Variants in SLC15A1 observed in about 807,000 individuals in gnomAD.
The protein encoded by SLC15A1 is Caco-2 oligopeptide transporter.
A neutral mutation model predicts 92.9 loss-of-function variants in SLC15A1; 83 were observed. The observed-to-expected ratio is 0.89, with a 90% CI of 0.75 to 1.07. The LOEUF (loss-of-function observed/expected upper bound fraction) is 1.07, where lower values mean the gene tolerates loss of function less well. Among genes scored for constraint, SLC15A1 ranks in the 50% least tolerant of loss-of-function variants. SLC15A1 has a pLI of 0.00. For synonymous variants in SLC15A1, 322 were observed against 318.2 expected (o/e 1.01, Z -0.13); for missense variants, 857 against 880.1 (o/e 0.97, Z 0.33).
intron 5 of SLC15A1, 69 bp downstream of exon 5, chr13:98,723,843 C>T (rs1328637377): frequency 1.4e-5 from 22 of 1,598,196 alleles, no homozygotes; most frequent in Admixed American, 6.8e-5. Flanking sequence ...AGGAAAAAGA[C>T]GAAGACTTAA....
At chr13:98,746,796 C>G (rs1055189825) in intron 1 of SLC15A1, among the ~76,000 whole-genome samples, 55 of 152,214 alleles carry the variant, frequency 3.6e-4, no homozygotes, top group African/African-American at 1.3e-3. Context: ...TAAACCCTCT[C>G]TCCAATGAGA....
At chr13:98,719,662 T>C (rs1473756322) in intron 7 of SLC15A1, among the ~76,000 whole-genome samples, 1 of 152,178 alleles carries the variant, frequency 6.6e-6, no homozygotes, top group African/African-American at 2.4e-5. Flanking sequence ...AAATCAAAAG[T>C]ACACTGGAAA....
At chr13:98,730,485 T>C (rs1362989584) in intron 1 of SLC15A1, among the ~76,000 whole-genome samples, 1 of 152,148 alleles carries the variant, frequency 6.6e-6, no homozygotes, top group Non-Finnish European at 1.5e-5. Flanking sequence ...TCCAGGGCAA[T>C]ACACCAAGAG....
At chr13:98,690,464 G>C (rs2087965732) in intron 18 of SLC15A1, among the ~76,000 whole-genome samples, 1 of 152,138 alleles carries the variant, frequency 6.6e-6, no homozygotes, top group Non-Finnish European at 1.5e-5. Flanking sequence ...AGAGCATGTG[G>C]GCAGAGTGAA....
At chr13:98,748,932 G>A (rs765390746) in intron 1 of SLC15A1, among the ~76,000 whole-genome samples, 1 of 152,210 alleles carries the variant, frequency 6.6e-6, no homozygotes, top group Non-Finnish European at 1.5e-5. Flanking sequence ...CCCACTGCTG[G>A]AACAAGCCCT....
At chr13:98,712,211 C>T (rs2088169600) in intron 10 of SLC15A1, among the ~76,000 whole-genome samples, 1 of 152,198 alleles carries the variant, frequency 6.6e-6, no homozygotes, top group South Asian at 2.1e-4. Context: ...GTCACCACCT[C>T]TTGACTCTCC....
chr13:98,740,555 C>A (rs1450102752), intron 1 of SLC15A1, among the ~76,000 whole-genome samples: 2 of 152,164 alleles, frequency 1.3e-5, no homozygotes, highest in African/African-American at 4.8e-5. Flanking sequence ...TCTCCCTCTG[C>A]CTCCTCGGCT....
intron 5 of SLC15A1, among the ~76,000 whole-genome samples, chr13:98,723,709 A>C (rs1394743379): frequency 6.6e-6 from 1 of 152,190 alleles, no homozygotes; most frequent in Non-Finnish European, 1.5e-5. Context: ...CCTCAGAGTG[A>C]GCAATGCCTC....
At position 98,721,499 on chromosome 13, in the gene SLC15A1, G is replaced by A. The variant is rs1442375374; in HGVS notation, c.552C>T (p.Leu184=). 6.2e-7 allele frequency: 1 copy of A among 1,611,400 alleles called. No homozygotes were observed. Among genetic ancestry groups the A allele is most frequent in the Non-Finnish European group, 8.5e-7 (1 of 1,177,644 alleles). ...TTCCTTTCAGGTATCTCTTACCTCT[G>A]AGCATGGGTGTGATGATTGTGGAAA... ...SLLSTIITPM[L]RVQQCGIHSK... Residue 184 remains leucine, a synonymous_variant, in exon 7 of 23, where the codon CTC becomes CTT. Coordinates refer to ENST00000376503, the MANE Select transcript of SLC15A1 (RefSeq NM_005073.4).
Position 98,719,335 on chromosome 13 carries a change from CA to C in SLC15A1, c.557-16del, listed in dbSNP as rs774394588. The C allele has an allele frequency of 6.3e-7, 1 of 1,595,828 alleles. No homozygotes were observed. The highest frequency in any genetic ancestry group is 1.7e-5 in the Admixed American group (1 of 59,834). On this transcript the variant is annotated splice_polypyrimidine_tract_variant and intron_variant, in intron 7 of 22. Transcript: ENST00000376503. ...ACATTGTTGAACTGGGGAGAAATGA[CA>C]AGATTAAAATTGTTATGGCATTGGT...
intron 9 of SLC15A1, among the ~76,000 whole-genome samples, chr13:98,713,300 G>A (rs551308262): frequency 1.3e-5 from 2 of 151,982 alleles, no homozygotes; most frequent in South Asian, 2.1e-4. Flanking sequence ...GAGCTCAGGC[G>A]ATCCACTCGC....
chr13:98,750,885 G>T (rs978508122), intron 1 of SLC15A1, among the ~76,000 whole-genome samples: 2 of 151,884 alleles, frequency 1.3e-5, no homozygotes, highest in East Asian at 1.9e-4. Flanking sequence ...CCGAGTAGCT[G>T]GGATTACAGG....
chr13:98,742,936 G>A lies in SLC15A1; in HGVS notation c.4+9659C>T, dbSNP rs1198798112. On this transcript the variant is annotated intron_variant, in intron 1 of 22. Coordinates refer to ENST00000376503, the MANE Select transcript of SLC15A1 (RefSeq NM_005073.4). ...GACCACAGGCGTGTGCAGCCATGTC[G>A]GCTAAGTTTTAAAATTTTTGTAGAG... 1.3e-4 allele frequency among the ~76,000 whole-genome samples: 20 copies of A among 152,172 alleles called. 1 individual carries two copies. In the East Asian group the frequency reaches 2.9e-3, roughly 22 times the overall value.
rs142155746 is a variant in SLC15A1 at position 98,703,507 on chromosome 13, G to C, written c.1416+782C>G. Among the ~76,000 whole-genome samples, 554 of 136,730 alleles carry C rather than the reference G, an allele frequency of 4.1e-3. 3 individuals carry two copies. The highest frequency in any genetic ancestry group is 0.013 in the African/African-American group (481 of 35,922). The allele number at this position is 136,730 out of a possible 152,430, so 89.7% of individuals were successfully genotyped here. On this transcript the variant is annotated intron_variant, in intron 17 of 22. Transcript: ENST00000376503. ...CACAACTCTACAACTCTTTCATTTA[G>C]CTCAACTATACCTTTGTAGCTGCTG...
At chr13:98,704,844 G>A (rs1285677373) in intron 16 of SLC15A1, among the ~76,000 whole-genome samples, 1 of 152,142 alleles carries the variant, frequency 6.6e-6, no homozygotes, top group East Asian at 1.9e-4. Context: ...GTTTCACAAG[G>A]TCTAAGGTTG....
chr13:98,730,150 C>T (rs1251170610), intron 1 of SLC15A1, among the ~76,000 whole-genome samples: 1 of 150,160 alleles, frequency 6.7e-6, no homozygotes, highest in Middle Eastern at 3.4e-3. Context: ...GAGCTGAAAT[C>T]GCACCACTGC....
chr13:98,729,552 C>T (rs757527385), intron 1 of SLC15A1, among the ~76,000 whole-genome samples: 3 of 152,192 alleles, frequency 2.0e-5, no homozygotes, highest in African/African-American at 4.8e-5. Flanking sequence ...TGGTTCCAAA[C>T]GCCAGAAAGA....
At chr13:98,740,825 G>A (rs2088438039) in intron 1 of SLC15A1, among the ~76,000 whole-genome samples, 1 of 152,146 alleles carries the variant, frequency 6.6e-6, no homozygotes, top group African/African-American at 2.4e-5. Flanking sequence ...TCACACACTT[G>A]GTTTGATGTC....
chr13:98,691,988 G>A (rs1445374913), intron 18 of SLC15A1, among the ~76,000 whole-genome samples: 13 of 151,698 alleles, frequency 8.6e-5, no homozygotes, highest in Admixed American at 2.0e-4. Flanking sequence ...CAGGAGAATC[G>A]CTTGAACCCA....
Sources: allele counts gnomAD v4.1 joint callset (sites outside exome capture counted in the v4.1 genomes callset), GRCh38; gene constraint gnomAD v4.1.1; transcripts MANE v1.5; gene names NCBI Gene and HGNC (gene_info 2026-07-23, HGNC 2026-07-21).